The following DMRT1 variants were observed in gnomAD, a reference collection of about 807,000 sequenced individuals.
The protein encoded by DMRT1 is doublesex- and mab-3-related transcription factor 1.
A neutral mutation model predicts 32.3 loss-of-function variants in DMRT1; 7 were observed. That is an observed-to-expected ratio of 0.22 (90% confidence interval 0.12 to 0.41). The LOEUF is 0.41. Ranked by LOEUF, DMRT1 falls within the 10% of genes least tolerant of loss-of-function variation. DMRT1 has a pLI of 1.00. For missense variants in DMRT1, 625 were observed against 500.5 expected (o/e 1.25, Z -2.37); for synonymous variants, 278 against 206.1 (o/e 1.35, Z -2.99).
intron 4 of DMRT1, among the ~76,000 whole-genome samples, chr9:959,234 T>C (rs568882712): frequency 3.1e-4 from 47 of 152,372 alleles, no homozygotes; most frequent in African/African-American, 1.1e-3. Flanking sequence ...TGTTTTCAAA[T>C]GCACTTGTGG....
intron 2 of DMRT1, among the ~76,000 whole-genome samples, chr9:860,674 A>G (rs79737048): frequency 0.011 from 1,668 of 152,340 alleles, 22 homozygotes; most frequent in African/African-American, 0.037. Context: ...AAGTGCTGTA[A>G]AGAAAAACAA....
chr9:936,630 G>C (rs759473076), intron 4 of DMRT1, among the ~76,000 whole-genome samples: 5 of 151,854 alleles, frequency 3.3e-5, no homozygotes, highest in Non-Finnish European at 5.9e-5. Context: ...GCAGGCGCCA[G>C]CAATCCCAGC....
intron 2 of DMRT1, among the ~76,000 whole-genome samples, chr9:878,652 A>G (rs1816609679): frequency 6.6e-6 from 1 of 152,040 alleles, no homozygotes; most frequent in Non-Finnish European, 1.5e-5. Context: ...TACCCTAATG[A>G]TGAGGATTTG....
intron 4 of DMRT1, among the ~76,000 whole-genome samples, chr9:951,662 C>T (rs1014829212): frequency 2.0e-5 from 3 of 152,138 alleles, no homozygotes; most frequent in Admixed American, 2.0e-4. Context: ...GAGCTCCAAG[C>T]AATATACTTA....
At chr9:961,200 C>T (rs753970456) in intron 4 of DMRT1, among the ~76,000 whole-genome samples, 6 of 152,166 alleles carry the variant, frequency 3.9e-5, no homozygotes, top group Admixed American at 6.5e-5. Flanking sequence ...TGGAATGCCT[C>T]GTTTTAATTC....
At chr9:941,276 G>A (rs1352078454) in intron 4 of DMRT1, among the ~76,000 whole-genome samples, 2 of 151,922 alleles carry the variant, frequency 1.3e-5, no homozygotes, top group Admixed American at 6.6e-5. Flanking sequence ...ATCAACAGAG[G>A]GTGGACAAAG....
intron 2 of DMRT1, among the ~76,000 whole-genome samples, chr9:864,149 C>T (rs1815853544): frequency 6.6e-6 from 1 of 152,076 alleles, no homozygotes; most frequent in Non-Finnish European, 1.5e-5. Flanking sequence ...ATGAAAATGG[C>T]CATAGAATGG....
At chr9:905,194 GTTGCCCTCAGCACCCCCTCC>G (rs1186784407) in intron 3 of DMRT1, among the ~76,000 whole-genome samples, 2 of 152,146 alleles carry the variant, frequency 1.3e-5, no homozygotes, top group Admixed American at 1.3e-4. Flanking sequence ...CCCAGGATGG[GTTGCCCTCAGCACCCCCTCC>G]TTGGTATAGC....
At chr9:871,652 T>A (rs1319929397) in intron 2 of DMRT1, among the ~76,000 whole-genome samples, 3 of 149,304 alleles carry the variant, frequency 2.0e-5, no homozygotes, top group Non-Finnish European at 4.4e-5. Flanking sequence ...CTTTTTGTAT[T>A]TTTAGTAGAG....
intron 3 of DMRT1, among the ~76,000 whole-genome samples, chr9:902,741 A>G (rs900406817): frequency 2.0e-5 from 3 of 151,932 alleles, no homozygotes; most frequent in African/African-American, 4.8e-5. Context: ...CGCCCACCTC[A>G]GCTTCCCAAA....
intron 1 of DMRT1, among the ~76,000 whole-genome samples, chr9:846,500 C>T (rs1016166052): frequency 2.0e-5 from 3 of 152,132 alleles, no homozygotes; most frequent in Admixed American, 2.0e-4. Context: ...TCAGATTGTA[C>T]TCCTCCCCTT....
At position 877,607 on chromosome 9, in the gene DMRT1, C is replaced by T. The variant is rs542029403; in HGVS notation, c.539-16305C>T. ...ACTAATTTGAACAGAACTCCTCCTC[C>T]CATTCCAAAAAAAGAAGCTAAATAT... On this transcript the variant is annotated intron_variant, in intron 2 of 4. Transcript: ENST00000382276. Among the ~76,000 whole-genome samples, 88 of 152,246 alleles carry T rather than the reference C, an allele frequency of 5.8e-4. 1 individual carries two copies. In the South Asian group the frequency reaches 5.8e-3, roughly 10 times the overall value.
intron 3 of DMRT1, among the ~76,000 whole-genome samples, chr9:910,027 A>G (rs572235233): frequency 6.6e-6 from 1 of 152,284 alleles, no homozygotes; most frequent in African/African-American, 2.4e-5. Flanking sequence ...TCATTACACT[A>G]TTTGTTTAAA....
intron 2 of DMRT1, among the ~76,000 whole-genome samples, chr9:872,473 C>A (rs533352321): frequency 6.6e-6 from 1 of 152,202 alleles, no homozygotes; most frequent in African/African-American, 2.4e-5. Context: ...ATACCCATTA[C>A]TGGTTACTGG....
intron 2 of DMRT1, among the ~76,000 whole-genome samples, chr9:866,819 C>A (rs1015672519): frequency 6.6e-6 from 1 of 152,184 alleles, no homozygotes; most frequent in African/African-American, 2.4e-5. Context: ...TTTTCCTTAT[C>A]ACCCTCTCCC....
At chr9:957,053 G>C (rs1372519636) in intron 4 of DMRT1, among the ~76,000 whole-genome samples, 1 of 152,180 alleles carries the variant, frequency 6.6e-6, no homozygotes, top group Admixed American at 6.5e-5. Flanking sequence ...CTGTCACCCA[G>C]GTACTGAGCA....
chr9:901,303 C>A (rs1368887977), intron 3 of DMRT1, among the ~76,000 whole-genome samples: 1 of 152,042 alleles, frequency 6.6e-6, no homozygotes, highest in Non-Finnish European at 1.5e-5. Context: ...AGGCATGAGC[C>A]ACCACGCCTG....
chr9:951,444 C>T (rs993615227), intron 4 of DMRT1, among the ~76,000 whole-genome samples: 3 of 152,144 alleles, frequency 2.0e-5, no homozygotes, highest in African/African-American at 7.2e-5. Flanking sequence ...AAAAATAAAA[C>T]TTGATTTATC....
At chr9:846,594 G>A (rs1244949800) in intron 1 of DMRT1, among the ~76,000 whole-genome samples, 2 of 151,670 alleles carry the variant, frequency 1.3e-5, no homozygotes, top group Admixed American at 1.3e-4. Flanking sequence ...TTATTTGTTT[G>A]TTAAGAGACA....
Sources: allele counts gnomAD v4.1 joint callset (sites outside exome capture counted in the v4.1 genomes callset), GRCh38; gene constraint gnomAD v4.1.1; transcripts MANE v1.5; gene names NCBI Gene and HGNC (gene_info 2026-07-23, HGNC 2026-07-21).